CISD3: variants seen among roughly 807,000 people sequenced by gnomAD.
The protein encoded by CISD3 is CDGSH iron sulfur domain 3, also known as CDGSH iron-sulfur domain-containing protein 3, mitochondrial.
Under a neutral mutation model 14.1 loss-of-function variants are expected in CISD3, and 11 were observed. The ratio of observed to expected loss-of-function variants is 0.78; its 90% CI spans 0.49 to 1.29. The LOEUF is 1.29. Among genes scored for constraint, CISD3 ranks in the 50% most tolerant of loss-of-function variants. The probability of loss-of-function intolerance (pLI) is 0.00; values close to 1 mark genes in which losing one functional copy is unlikely to be tolerated. For synonymous variants in CISD3, 53 were observed against 69.2 expected, an observed-to-expected ratio of 0.77 and a Z score of 1.16; for missense variants, 156 against 171.6, an observed-to-expected ratio of 0.91 and a Z score of 0.51.
chr17:38,735,351 G>T lies in CISD3; in HGVS notation c.*1896G>T. The stretch of plus-strand genomic sequence containing the variant: ...GTGGTGGCCCCACTGGCTGTCGAAG[G>T]GGGAGTGGGGGAGGTAGGGTGGGTG... On this transcript the variant is annotated 3_prime_UTR_variant, in exon 4 of 4. Transcript: ENST00000613478. The T allele has an allele frequency of 1.9e-6, 3 of 1,558,228 alleles. No homozygotes were observed. Among genetic ancestry groups the T allele is most frequent in the South Asian group, 2.4e-5 (2 of 84,552 alleles).
At chr17:38,731,154 C>A in intron 2 of CISD3, 166 bp from the exon 3 acceptor site, 1 of 919,342 alleles carries the variant, frequency 1.1e-6, no homozygotes, top group Non-Finnish European at 1.6e-6. Flanking sequence ...AGCTCACGGT[C>A]CTATGGTGTC....
chr17:38,733,359 A>G lies in CISD3; in HGVS notation c.288A>G (p.Ala96=). The G allele has an allele frequency of 1.3e-6, 2 of 1,551,622 alleles. No homozygotes were observed. The highest frequency in any genetic ancestry group is 1.7e-6 in the Non-Finnish European group (2 of 1,146,960). Reference sequence around the variant, plus strand: ...AGGCCCAAGAGACCCGCATGGTGGCACTCTGTACCTGCAAGGCCACTCAGA... The same window carrying G: ...AGGCCCAAGAGACCCGCATGGTGGCGCTCTGTACCTGCAAGGCCACTCAGA... ...KFKAQETRMV[A]LCTCKATQRP... The change falls in exon 4 of 4, where the codon GCA becomes GCG. Residue 96 remains alanine (A), a synonymous_variant. Coordinates refer to ENST00000613478, the MANE Select transcript of CISD3 (RefSeq NM_001136498.2).
In CISD3 at chr17:38,734,752, GGAGA is replaced by G. The variant is rs1906542997; in HGVS notation, c.*1300_*1303del. 6.5e-6 allele frequency: 1 copy of G among 153,162 alleles called. No individual in the cohort carries two copies. The highest frequency in any genetic ancestry group is 2.4e-5 in the African/African-American group (1 of 41,434). 9.5% of individuals were successfully genotyped at this position (153,162 alleles called of 1,614,324 possible). Reference sequence around the variant, plus strand: ...GCAGCCAAGATGGGGAGAGAAACGGGGAGAGAAAGAAACGATTCTAACTGACTCC... The same window carrying G: ...GCAGCCAAGATGGGGAGAGAAACGGGGAAAGAAACGATTCTAACTGACTCC... On this transcript the variant is annotated 3_prime_UTR_variant, in exon 4 of 4. Transcript: ENST00000613478.
Position 38,733,262 on chromosome 17 carries a change from C to CT in CISD3, c.205-11dup, listed in dbSNP as rs1161775916. 1 of 1,551,318 alleles carries CT rather than the reference C, an allele frequency of 6.4e-7. No individual in the cohort carries two copies. The highest frequency in any genetic ancestry group is 1.4e-5 in the African/African-American group (1 of 73,050). ...GTGGGGTCAGGTCTTTGACTCCTGT[C>CT]TTTCCCCCACCAGCCCTTCTGTGAC... is the stretch of plus-strand genomic sequence containing the variant. On this transcript the variant is annotated splice_polypyrimidine_tract_variant and intron_variant, in intron 3 of 3. Transcript: ENST00000613478.
In CISD3 at chr17:38,733,595, T is replaced by TC; in HGVS notation, c.*140_*141insC. ...GGCTCATGAAGGAAGAATTATTCCT[T>TC]ATAACCTAAAAGTCTCCAGTCTGGG... On this transcript the variant is annotated 3_prime_UTR_variant, in exon 4 of 4. Transcript: ENST00000613478. 4.4e-6 allele frequency: 4 copies of TC among 918,012 alleles called. No homozygotes were observed. Among genetic ancestry groups the TC allele is most frequent in the Non-Finnish European group, 6.3e-6 (4 of 638,000 alleles). 56.9% of individuals were successfully genotyped at this position (918,012 alleles called of 1,614,324 possible).
chr17:38,735,358 G>C lies in CISD3; in HGVS notation c.*1903G>C, dbSNP rs535093382. The C allele has an allele frequency of 9.2e-5, 144 of 1,560,098 alleles. No individual in the cohort carries two copies. The South Asian group carries it at 1.2e-3, about 13-fold the overall frequency. ...CCCCACTGGCTGTCGAAGGGGGAGTGGGGGAGGTAGGGTGGGTGGCTGGAG... is the reference window on the plus strand; with the variant it reads ...CCCCACTGGCTGTCGAAGGGGGAGTCGGGGAGGTAGGGTGGGTGGCTGGAG... On this transcript the variant is annotated 3_prime_UTR_variant, in exon 4 of 4. Coordinates refer to ENST00000613478, the MANE Select transcript of CISD3 (RefSeq NM_001136498.2).
At chr17:38,730,605 C>T in intron 1 of CISD3, 155 bp from the exon 2 acceptor site, 1 of 874,708 alleles carries the variant, frequency 1.1e-6, no homozygotes, top group Non-Finnish European at 1.8e-6. Flanking sequence ...TCTCTTGCGA[C>T]CTTTTTCTTA....
In CISD3 at chr17:38,734,973, T is replaced by G; in HGVS notation, c.*1518T>G. The G allele has an allele frequency of 3.0e-6, 1 of 329,030 alleles. No individual in the cohort carries two copies. Among genetic ancestry groups the G allele is most frequent in the Non-Finnish European group, 5.4e-6 (1 of 184,694 alleles). 20.4% of individuals were successfully genotyped at this position (329,030 alleles called of 1,614,324 possible). A position where few individuals can be genotyped will look rare whatever the true frequency, so the allele number is the denominator to read the frequency against. On this transcript the variant is annotated 3_prime_UTR_variant, in exon 4 of 4. Transcript: ENST00000613478. ...CCCCCCCAAAAAAAATGAACACCAT[T>G]TTCCACACATACACACACACATAAA...
At position 38,735,231 on chromosome 17, in the gene CISD3, AG is replaced by A; in HGVS notation, c.*1782del. 2 of 1,425,140 alleles carry A rather than the reference AG, an allele frequency of 1.4e-6. No individual in the cohort carries two copies. Among genetic ancestry groups the A allele is most frequent in the Non-Finnish European group, 9.3e-7 (1 of 1,079,126 alleles). 88.3% of individuals were successfully genotyped at this position (1,425,140 alleles called of 1,614,324 possible). On this transcript the variant is annotated 3_prime_UTR_variant, in exon 4 of 4. Transcript: ENST00000613478. ...GGAGAGGGTCCCTGGCCTCAAGTTA[AG>A]GGGGGCACGGGAGCGCCGTTGACAG...
In CISD3 at chr17:38,733,716, A is replaced by G. The variant is rs966946026; in HGVS notation, c.*261A>G. On this transcript the variant is annotated 3_prime_UTR_variant, in exon 4 of 4. Coordinates refer to ENST00000613478, the MANE Select transcript of CISD3 (RefSeq NM_001136498.2). ...GACTGGTAGTCCTGCAGTCACTGCT[A>G]TGAGGCCCACGTGCTGCCTCCTGCT... 3.4e-5 allele frequency: 16 copies of G among 471,098 alleles called. No homozygotes were observed. The Admixed American group carries it at 4.2e-4, about 12-fold the overall frequency. 29.2% of individuals were successfully genotyped at this position (471,098 alleles called of 1,614,324 possible). A position where few individuals can be genotyped will look rare whatever the true frequency, so the allele number is the denominator to read the frequency against.
chr17:38,731,501 T>A, intron 3 of CISD3, 62 bp downstream of exon 3: 1 of 1,545,722 alleles, frequency 6.5e-7, no homozygotes, highest in Non-Finnish European at 8.8e-7. Context: ...GTGTCTCCAG[T>A]GAGTTCCCAC....
Position 38,735,091 on chromosome 17 carries a change from T to A in CISD3, c.*1636T>A, listed in dbSNP as rs1312216307. 2.4e-5 allele frequency: 13 copies of A among 540,742 alleles called. No homozygotes were observed. Among genetic ancestry groups the A allele is most frequent in the Middle Eastern group, 5.4e-4 (1 of 1,838 alleles). The allele number at this position is 540,742 out of a possible 1,614,324, so 33.5% of individuals were successfully genotyped here. Reference sequence around the variant, plus strand: ...TTCCTATGTACATATATATATATATTTATTTATAAAACCCGCCCCCCACCC... The same window carrying A: ...TTCCTATGTACATATATATATATATATATTTATAAAACCCGCCCCCCACCC... On this transcript the variant is annotated 3_prime_UTR_variant, in exon 4 of 4. Transcript: ENST00000613478.
chr17:38,732,863 A>G (rs1292398785), intron 3 of CISD3, among the ~76,000 whole-genome samples: 3 of 151,464 alleles, frequency 2.0e-5, no homozygotes, highest in Non-Finnish European at 4.4e-5. Flanking sequence ...ACCACAGTGT[A>G]CTCTCCAGCC....
intron 3 of CISD3, among the ~76,000 whole-genome samples, chr17:38,732,289 T>C (rs1906366982): frequency 6.6e-6 from 1 of 152,182 alleles, no homozygotes; most frequent in Non-Finnish European, 1.5e-5. Flanking sequence ...CTGGTTTCTA[T>C]TTGCACGCTT....
rs568255159 is a variant in CISD3, at chr17:38,735,160, G to T, written c.*1705G>T. On this transcript the variant is annotated 3_prime_UTR_variant, in exon 4 of 4. Transcript: ENST00000613478. ...GGGAAAGTAGAAGAGGTGGAAAAAA[G>T]GGCCCAGAAAAAGTGGAAGGAGTGG... is the stretch of plus-strand genomic sequence containing the variant. 1.2e-4 allele frequency: 154 copies of T among 1,258,484 alleles called. No individual in the cohort carries two copies. The highest frequency in any genetic ancestry group is 1.5e-4 in the Non-Finnish European group (145 of 976,384). 78.0% of individuals were successfully genotyped at this position (1,258,484 alleles called of 1,614,324 possible). A position where few individuals can be genotyped will look rare whatever the true frequency, so the allele number is the denominator to read the frequency against.
At chr17:38,732,861 G>A (rs1355101862) in intron 3 of CISD3, among the ~76,000 whole-genome samples, 5 of 151,736 alleles carry the variant, frequency 3.3e-5, no homozygotes, top group Admixed American at 2.6e-4. Context: ...CTACCACAGT[G>A]TACTCTCCAG....
Position 38,730,413 on chromosome 17 carries a change from ACCCCCGCCCTGCACCAG to A in CISD3, c.48+14_48+30del. On this transcript the variant is annotated splice_region_variant and intron_variant, in intron 1 of 3. Transcript: ENST00000613478. ...GGCGGCGCGTGGTGCCCGGGTGAGC[ACCCCCGCCCTGCACCAG>A]CCCCCGTCCCGAACCCCAGCCGGGC... The A allele has an allele frequency of 8.2e-7, 1 of 1,224,528 alleles. No individual in the cohort carries two copies. The highest frequency in any genetic ancestry group is 1.6e-5 in the African/African-American group (1 of 63,272). 75.9% of individuals were successfully genotyped at this position (1,224,528 alleles called of 1,614,324 possible).
intron 3 of CISD3, 107 bp from the exon 4 acceptor site, chr17:38,733,169 C>T: frequency 9.5e-7 from 1 of 1,051,090 alleles, no homozygotes; most frequent in Non-Finnish European, 1.4e-6. Flanking sequence ...TGCTCTGGAG[C>T]CTGTACCCTA....
intron 1 of CISD3, 145 bp from the exon 2 acceptor site, chr17:38,730,615 A>T: frequency 2.3e-6 from 2 of 885,336 alleles, no homozygotes; most frequent in Non-Finnish European, 3.6e-6. Context: ...CCTTTTTCTT[A>T]CCCTCTCATT....
Sources: allele counts gnomAD v4.1 joint callset (sites outside exome capture counted in the v4.1 genomes callset), GRCh38; gene constraint gnomAD v4.1.1; transcripts MANE v1.5; gene names NCBI Gene and HGNC (gene_info 2026-07-23, HGNC 2026-07-21).